COG6: variants seen among roughly 807,000 people sequenced by gnomAD.
The protein encoded by COG6 is conserved oligomeric Golgi complex subunit 6.
In COG6, 74 loss-of-function variants were observed where a neutral mutation model predicts 88.8. That is an observed-to-expected ratio of 0.83 (90% confidence interval 0.69 to 1.01). The LOEUF is 1.01. COG6 is among the 50% of genes least tolerant of loss of function. The pLI is 0.00. For synonymous variants in COG6, 286 were observed against 278.7 expected, an observed-to-expected ratio of 1.03 and a Z score of -0.26; for missense variants, 800 against 797.9, an observed-to-expected ratio of 1.00 and a Z score of -0.03.
downstream of COG6, among the ~76,000 whole-genome samples, chr13:39,755,078 C>G (rs1053684847): frequency 6.6e-6 from 1 of 151,718 alleles, no homozygotes. Flanking sequence ...AAATTTTGTC[C>G]CTTCATAAAG....
intron 18 of COG6, among the ~76,000 whole-genome samples, chr13:39,773,096 G>T (rs1437445850): frequency 6.6e-6 from 1 of 152,168 alleles, no homozygotes; most frequent in South Asian, 2.1e-4. Flanking sequence ...CAAGATCAAA[G>T]CCATTTCTAT....
At chr13:39,666,530 G>T (rs1371554725) in intron 4 of COG6, among the ~76,000 whole-genome samples, 1 of 152,130 alleles carries the variant, frequency 6.6e-6, no homozygotes, top group Non-Finnish European at 1.5e-5. Context: ...CACTGCCCTA[G>T]ACCAAAAATG....
intron 3 of COG6, among the ~76,000 whole-genome samples, chr13:39,663,217 A>G (rs987793778): frequency 3.3e-5 from 5 of 152,070 alleles, no homozygotes; most frequent in African/African-American, 1.2e-4. Flanking sequence ...AATTCTTACC[A>G]TAGTTTATAA....
chr13:39,783,370 A>T (rs1012799087), intron 18 of COG6, among the ~76,000 whole-genome samples: 1 of 152,222 alleles, frequency 6.6e-6, no homozygotes, highest in Non-Finnish European at 1.5e-5. Flanking sequence ...TTGATGCTTA[A>T]CAACACAAAA....
At chr13:39,696,864 G>C (rs1217289808) in intron 12 of COG6, among the ~76,000 whole-genome samples, 1 of 150,600 alleles carries the variant, frequency 6.6e-6, no homozygotes, top group Non-Finnish European at 1.5e-5. Flanking sequence ...CCTGAGAAGA[G>C]ATGATGATGT....
chr13:39,690,265 C>G (rs1876908414), intron 11 of COG6, among the ~76,000 whole-genome samples: 1 of 151,926 alleles, frequency 6.6e-6, no homozygotes, highest in Admixed American at 6.6e-5. Flanking sequence ...ATCATCAATA[C>G]TGTTTATAGT....
intron 13 of COG6, among the ~76,000 whole-genome samples, chr13:39,711,943 T>A (rs9548893): frequency 0.41 from 62,337 of 152,020 alleles, 13,139 homozygotes; most frequent in Admixed American, 0.56. Context: ...CACTACAACC[T>A]CCACCTCCTG....
rs1880664574 is a variant in COG6 at position 39,752,029 on chromosome 13, C to T, written c.*936C>T. Reference sequence around the variant, plus strand: ...GAGGAGTTGCCAATTGGCAGTGTGTCTTATCTCCATGTTGTAACTGGACTC... The same window carrying T: ...GAGGAGTTGCCAATTGGCAGTGTGTTTTATCTCCATGTTGTAACTGGACTC... On this transcript the variant is annotated 3_prime_UTR_variant, in exon 19 of 19. Coordinates refer to ENST00000455146, the MANE Select transcript of COG6 (RefSeq NM_020751.3). 1 of 1,281,870 alleles carries T rather than the reference C, an allele frequency of 7.8e-7. No homozygotes were observed. The highest frequency in any genetic ancestry group is 1.0e-6 in the Non-Finnish European group (1 of 983,830). The allele number at this position is 1,281,870 out of a possible 1,614,324, so 79.4% of individuals were successfully genotyped here.
chr13:39,669,089 A>G (rs1245691796), intron 4 of COG6, among the ~76,000 whole-genome samples: 1 of 152,224 alleles, frequency 6.6e-6, no homozygotes, highest in Non-Finnish European at 1.5e-5. Context: ...AAAGTTGCAG[A>G]CTAAGCCCAT....
chr13:39,775,014 A>G (rs1881423560), intron 18 of COG6, among the ~76,000 whole-genome samples: 1 of 152,248 alleles, frequency 6.6e-6, no homozygotes, highest in African/African-American at 2.4e-5. Flanking sequence ...AAAAATGACA[A>G]TGAAATATCA....
At chr13:39,713,124 G>T (rs1007882362) in intron 13 of COG6, among the ~76,000 whole-genome samples, 3 of 152,166 alleles carry the variant, frequency 2.0e-5, no homozygotes, top group African/African-American at 7.2e-5. Flanking sequence ...GGATGCATCT[G>T]CCACTCACTT....
intron 4 of COG6, among the ~76,000 whole-genome samples, chr13:39,668,834 G>A (rs7993726): frequency 0.27 from 41,015 of 151,658 alleles, 5,700 homozygotes; most frequent in African/African-American, 0.35. Flanking sequence ...GAGATCCAAG[G>A]TAGCCTTTAC....
chr13:39,668,634 A>G (rs1244137517), intron 4 of COG6, among the ~76,000 whole-genome samples: 1 of 151,948 alleles, frequency 6.6e-6, no homozygotes, highest in Non-Finnish European at 1.5e-5. Context: ...TAAAAATACA[A>G]AAAATTAGCC....
At chr13:39,711,839 A>G (rs1448908988) in intron 13 of COG6, among the ~76,000 whole-genome samples, 1 of 152,162 alleles carries the variant, frequency 6.6e-6, no homozygotes, top group African/African-American at 2.4e-5. Context: ...ACACCTGTAC[A>G]CATGATGTGC....
chr13:39,664,731 T>C (rs1031735482), intron 3 of COG6, among the ~76,000 whole-genome samples: 3 of 152,214 alleles, frequency 2.0e-5, no homozygotes, highest in Admixed American at 1.3e-4. Flanking sequence ...AACAACCCCA[T>C]GTAAAGGTTG....
intron 18 of COG6, among the ~76,000 whole-genome samples, chr13:39,770,857 G>A (rs780725799): frequency 9.2e-5 from 14 of 152,306 alleles, no homozygotes; most frequent in Admixed American, 3.3e-4. Flanking sequence ...CAGCTGAAGC[G>A]TGTAGTTACC....
intron 13 of COG6, among the ~76,000 whole-genome samples, chr13:39,702,732 A>T (rs1482637289): frequency 1.3e-5 from 2 of 152,114 alleles, no homozygotes; most frequent in Non-Finnish European, 2.9e-5. Flanking sequence ...ATTTTAAAGG[A>T]GGAGACATTA....
intron 18 of COG6, among the ~76,000 whole-genome samples, chr13:39,730,773 CAAAAAAAA>C (rs569292449): frequency 0.017 from 687 of 39,512 alleles, 11 homozygotes; most frequent in African/African-American, 0.02. Flanking sequence ...GACTCCATCT[CAAAAAAAA>C]AAAAAAAAAA....
chr13:39,730,492 C>T (rs181212082), intron 18 of COG6, among the ~76,000 whole-genome samples: 316 of 151,838 alleles, frequency 2.1e-3, no homozygotes, highest in African/African-American at 6.9e-3. Flanking sequence ...AACGTCAGGC[C>T]GGGCGTGGTG....
Sources: allele counts gnomAD v4.1 joint callset (sites outside exome capture counted in the v4.1 genomes callset), GRCh38; gene constraint gnomAD v4.1.1; transcripts MANE v1.5; gene names NCBI Gene and HGNC (gene_info 2026-07-23, HGNC 2026-07-21).